Variants in FUT8 observed in about 807,000 individuals in gnomAD.
FUT8 encodes the protein fucosyltransferase 8.
A neutral mutation model predicts 71.3 loss-of-function variants in FUT8; 29 were observed. The observed-to-expected ratio is 0.41, with a 90% CI of 0.30 to 0.55. The LOEUF (loss-of-function observed/expected upper bound fraction) is 0.55. Ranked by LOEUF, FUT8 falls within the 20% of genes least tolerant of loss-of-function variation. The pLI is 0.34. For missense variants in FUT8, 544 were observed against 702.1 expected (o/e 0.77, Z 2.55); for synonymous variants, 254 against 239.3 (o/e 1.06, Z -0.57).
intron 3 of FUT8, among the ~76,000 whole-genome samples, chr14:65,614,391 G>A (rs944447825): frequency 9.9e-5 from 15 of 152,136 alleles, no homozygotes; most frequent in Non-Finnish European, 1.9e-4. Context: ...TTTGTAAAAG[G>A]ATCAATATAT....
intron 7 of FUT8, among the ~76,000 whole-genome samples, chr14:65,702,699 T>G (rs1894365585): frequency 6.6e-6 from 1 of 151,918 alleles, no homozygotes; most frequent in South Asian, 2.1e-4. Context: ...GATAAATAAC[T>G]GTCTACAGGT....
chr14:65,635,752 A>ATT (rs1410618538), intron 6 of FUT8, among the ~76,000 whole-genome samples: 2 of 151,954 alleles, frequency 1.3e-5, no homozygotes, highest in Non-Finnish European at 2.9e-5. Flanking sequence ...TTTGTTAAGG[A>ATT]TTTTAGTGTC....
chr14:65,616,353 G>A lies in FUT8; in HGVS notation c.462G>A (p.Leu154=), dbSNP rs1163836369. The change falls in exon 5 of 11, where the codon TTG becomes TTA. Residue 154 remains leucine, a synonymous_variant. Coordinates refer to ENST00000673929, the MANE Select transcript of FUT8 (RefSeq NM_001371533.1). ...ELQRHADEFL[L]DLGHHERSIM... is the part of the protein sequence containing the mutation. ...AAAGACATGCAGATGAATTTCTTTT[G>A]GATTTAGGACATCATGAAAGGTACT... 6.2e-7 allele frequency: 1 copy of A among 1,601,946 alleles called. No individual in the cohort carries two copies. The highest frequency in any genetic ancestry group is 8.5e-7 in the Non-Finnish European group (1 of 1,175,468).
chr14:65,499,952 A>G (rs1274810562), intron 2 of FUT8, among the ~76,000 whole-genome samples: 1 of 152,236 alleles, frequency 6.6e-6, no homozygotes, highest in Non-Finnish European at 1.5e-5. Context: ...TTAAAAGCTC[A>G]GAAAAATTCA....
intron 2 of FUT8, among the ~76,000 whole-genome samples, chr14:65,493,192 G>C (rs951191790): frequency 6.6e-6 from 1 of 152,106 alleles, no homozygotes; most frequent in Non-Finnish European, 1.5e-5. Context: ...GAGGATTAAA[G>C]GGGGACTTTA....
chr14:65,608,172 C>A (rs992173629), intron 3 of FUT8, among the ~76,000 whole-genome samples: 1 of 151,024 alleles, frequency 6.6e-6, no homozygotes, highest in African/African-American at 2.4e-5. Flanking sequence ...AGTTTAATTC[C>A]TCTAGAAAGT....
In FUT8 at chr14:65,627,380, A is replaced by G. The variant is rs1393617413; in HGVS notation, c.483-2112A>G. Among the ~76,000 whole-genome samples the G allele has an allele frequency of 6.6e-6, 1 of 152,218 alleles. No individual in the cohort carries two copies. The highest frequency in any genetic ancestry group is 1.5e-5 in the Non-Finnish European group (1 of 68,024). ...GTGAGAGATCAAGGCAAGTTTTAGA[A>G]CAGGCATGAGAGTTTATTAAAATGT... On this transcript the variant is annotated intron_variant, in intron 5 of 10. Transcript: ENST00000673929. The surrounding 1 kb of genome is among the most constrained non-coding windows in gnomAD (Gnocchi z 4.0).
At chr14:65,510,411 T>C (rs1882257359) in intron 2 of FUT8, among the ~76,000 whole-genome samples, 1 of 152,122 alleles carries the variant, frequency 6.6e-6, no homozygotes, top group Admixed American at 6.5e-5. Context: ...TGTCTTTTTA[T>C]GGTTTTGGTA....
intron 6 of FUT8, chr14:65,636,545 G>C (rs7148401): frequency 6.6e-6 from 1 of 151,966 alleles, no homozygotes; most frequent in Non-Finnish European, 1.5e-5. Context: ...AGGATTTGTC[G>C]TTACTGTCAT....
intron 3 of FUT8, among the ~76,000 whole-genome samples, chr14:65,598,807 C>G (rs1257438316): frequency 1.3e-5 from 2 of 151,394 alleles, no homozygotes. Flanking sequence ...TTTTTTTTCC[C>G]CTGAGGTCGA....
chr14:65,641,326 C>G (rs758802542), intron 6 of FUT8, among the ~76,000 whole-genome samples: 2 of 152,168 alleles, frequency 1.3e-5, no homozygotes, highest in Non-Finnish European at 2.9e-5. Context: ...TGACGTTCAT[C>G]TATGTTGTAT....
At chr14:65,625,328 C>G (rs533895155) in intron 5 of FUT8, among the ~76,000 whole-genome samples, 4 of 152,086 alleles carry the variant, frequency 2.6e-5, no homozygotes, top group South Asian at 2.1e-4. Context: ...ATGAGCAACT[C>G]ACAATTTCAT....
the FUT8 span, among the ~76,000 whole-genome samples, chr14:65,370,370 G>A: frequency 6.6e-6 from 1 of 151,694 alleles, no homozygotes; most frequent in South Asian, 2.1e-4. Context: ...ACCAGGCCCG[G>A]CTAATTTTTT....
At chr14:65,463,910 C>T (rs2066002620) in intron 2 of FUT8, among the ~76,000 whole-genome samples, 1 of 152,304 alleles carries the variant, frequency 6.6e-6, no homozygotes, top group South Asian at 2.1e-4. Flanking sequence ...GTATAGTCTT[C>T]ACTTTCCATG....
At position 65,742,438 on chromosome 14, in the gene FUT8, A is replaced by G. The variant is rs1013328710; in HGVS notation, c.*28A>G. 1.9e-6 allele frequency: 3 copies of G among 1,590,794 alleles called. No homozygotes were observed. The African/African-American group carries it at 4.0e-5, about 21-fold the overall frequency. On this transcript the variant is annotated 3_prime_UTR_variant, in exon 11 of 11. Transcript: ENST00000673929. ...CTCAGATGGAAGAGATAAACGACCA[A>G]ACTCAGTTCGACCAAACTCAGTTCA... is the stretch of plus-strand genomic sequence containing the variant.
At chr14:65,410,020 G>A (rs369657283), upstream of FUT8, among the ~76,000 whole-genome samples, 4 of 152,094 alleles carry the variant, frequency 2.6e-5, no homozygotes, top group African/African-American at 4.8e-5. Context: ...ATGAGAGAGC[G>A]CAGCAACAGG....
At chr14:65,576,032 T>A (rs1886757339) in intron 3 of FUT8, among the ~76,000 whole-genome samples, 1 of 152,248 alleles carries the variant, frequency 6.6e-6, no homozygotes, top group Non-Finnish European at 1.5e-5. Context: ...TCACAACTAT[T>A]CAAATGTAAA....
Position 65,489,534 on chromosome 14 carries a change from T to G in FUT8, c.-228+33816T>G, listed in dbSNP as rs373199066. On this transcript the variant is annotated intron_variant, in intron 2 of 10. Coordinates refer to ENST00000673929, the MANE Select transcript of FUT8 (RefSeq NM_001371533.1). This position sits in a 1 kb window ranked among gnomAD's most constrained non-coding sequence, Gnocchi z 4.0. ...TTTTATAAATGGACAGATCAGTTACTTAAAAAGTTCTATAGATTTGTGATT... is the reference window on the plus strand; with the variant it reads ...TTTTATAAATGGACAGATCAGTTACGTAAAAAGTTCTATAGATTTGTGATT... Among the ~76,000 whole-genome samples, 8 of 152,234 alleles carry G rather than the reference T, an allele frequency of 5.3e-5. No individual in the cohort carries two copies. Among genetic ancestry groups the G allele is most frequent in the African/African-American group, 1.9e-4 (8 of 41,558 alleles).
intron 6 of FUT8, among the ~76,000 whole-genome samples, chr14:65,637,985 A>C (rs10148529): frequency 6.6e-6 from 1 of 151,988 alleles, no homozygotes; most frequent in African/African-American, 2.4e-5. Context: ...AAAACCACAA[A>C]GTTAATGTCA....
Sources: gnomAD v4.1 joint callset for allele counts (sites outside exome capture counted in the v4.1 genomes callset) on GRCh38, gnomAD v4.1.1 for gene constraint, Gnocchi (gnomAD v3.1) non-coding constraint, MANE v1.5 for transcripts, NCBI Gene and HGNC (gene_info 2026-07-23, HGNC 2026-07-21) for gene names.